The following BAZ2B variants were observed in gnomAD, a reference collection of about 807,000 sequenced individuals.
BAZ2B encodes the protein bromodomain adjacent to zinc finger domain protein 2B.
In BAZ2B, 91 loss-of-function variants were observed where a neutral mutation model predicts 246.0. That is an observed-to-expected ratio of 0.37 (90% CI 0.31 to 0.44). The LOEUF is 0.44. BAZ2B is among the 20% of genes least tolerant of loss of function. The pLI, the probability that BAZ2B is intolerant of heterozygous loss-of-function variation, is 1.00. For missense variants in BAZ2B, 2,332 were observed against 2,533.7 expected (o/e 0.92, Z 1.71); for synonymous variants, 855 against 860.0 (o/e 0.99, Z 0.10).
At chr2:159,325,136 T>TATATA (rs1553473512) in intron 35 of BAZ2B, among the ~76,000 whole-genome samples, 182 bp from the exon 36 acceptor site, 1 of 44,978 alleles carries the variant, frequency 2.2e-5, no homozygotes, top group African/African-American at 9.2e-5. Context: ...TATATATATA[T>TATATA]ATATATATAT....
intron 1 of BAZ2B, among the ~76,000 whole-genome samples, chr2:159,568,878 A>G (rs1013285781): frequency 6.6e-6 from 1 of 152,200 alleles, no homozygotes; most frequent in Admixed American, 6.5e-5. Context: ...TATCACCTGA[A>G]TATCTAAATT....
At chr2:159,627,005 A>G in the BAZ2B span, among the ~76,000 whole-genome samples, 1 of 152,224 alleles carries the variant, frequency 6.6e-6, no homozygotes, top group Non-Finnish European at 1.5e-5. Context: ...GATACCATAG[A>G]CATACAAACT....
At chr2:159,391,114 G>T (rs2063280173) in intron 20 of BAZ2B, among the ~76,000 whole-genome samples, 1 of 152,104 alleles carries the variant, frequency 6.6e-6, no homozygotes, top group Non-Finnish European at 1.5e-5. Flanking sequence ...ACTTTCCAAA[G>T]GAGGGAAGAT....
intron 36 of BAZ2B, among the ~76,000 whole-genome samples, 160 bp downstream of exon 36, chr2:159,324,650 AC>A (rs1347654803): frequency 5.0e-5 from 2 of 40,130 alleles, no homozygotes; most frequent in Admixed American, 7.4e-4. Flanking sequence ...ACACACACAC[AC>A]ACACACACAC....
chr2:159,597,278 G>A (rs909780536), intron 1 of BAZ2B, among the ~76,000 whole-genome samples: 4 of 152,018 alleles, frequency 2.6e-5, no homozygotes, highest in Non-Finnish European at 5.9e-5. Context: ...TAAAATGTTC[G>A]AAACATTTTA....
At chr2:159,583,415 A>T (rs772759091) in intron 1 of BAZ2B, among the ~76,000 whole-genome samples, 1 of 152,208 alleles carries the variant, frequency 6.6e-6, no homozygotes, top group Non-Finnish European at 1.5e-5. Context: ...ACATCCAGCT[A>T]TGAAATATAT....
intron 1 of BAZ2B, among the ~76,000 whole-genome samples, chr2:159,580,484 T>A (rs574965675): frequency 6.6e-6 from 1 of 152,216 alleles, no homozygotes; most frequent in Admixed American, 6.5e-5. Context: ...AAAATGGCCA[T>A]ACTGCCCAAG....
upstream of BAZ2B, among the ~76,000 whole-genome samples, chr2:159,620,511 A>G (rs560601939): frequency 2.0e-5 from 3 of 152,340 alleles, no homozygotes; most frequent in Admixed American, 6.5e-5. Flanking sequence ...GTGAGAATAA[A>G]GAGGATGAGG....
At chr2:159,531,414 C>T (rs1179375970) in intron 2 of BAZ2B, among the ~76,000 whole-genome samples, 5 of 152,082 alleles carry the variant, frequency 3.3e-5, no homozygotes, top group Non-Finnish European at 7.4e-5. Flanking sequence ...ACTAGAAATG[C>T]ACATTCTCTT....
the BAZ2B span, among the ~76,000 whole-genome samples, chr2:159,625,397 GA>G: frequency 6.6e-6 from 1 of 152,138 alleles, no homozygotes; most frequent in African/African-American, 2.4e-5. Context: ...AGGTTGAAAT[GA>G]AGGAAAAAAT....
intron 33 of BAZ2B, 140 bp downstream of exon 33, chr2:159,336,802 T>A: frequency 5.6e-6 from 4 of 717,690 alleles, no homozygotes; most frequent in Non-Finnish European, 8.2e-6. Context: ...GTATCAAAAA[T>A]CTTTTAGAAT....
the BAZ2B span, among the ~76,000 whole-genome samples, chr2:159,707,793 C>T: frequency 0.38 from 57,739 of 151,750 alleles, 13,173 homozygotes; most frequent in Middle Eastern, 0.6. Context: ...CACTATTGCA[C>T]TCCAGCCTGG....
intron 27 of BAZ2B, among the ~76,000 whole-genome samples, chr2:159,352,589 G>C (rs1022027096): frequency 6.6e-6 from 1 of 151,676 alleles, no homozygotes; most frequent in African/African-American, 2.4e-5. Context: ...AAGCTCAAGT[G>C]ATTCTCCCAA....
At chr2:159,485,104 A>T (rs2079670781) in intron 2 of BAZ2B, among the ~76,000 whole-genome samples, 1 of 152,208 alleles carries the variant, frequency 6.6e-6, no homozygotes, top group Non-Finnish European at 1.5e-5. Context: ...AACCACTAAG[A>T]GTAGAGTTTT....
intron 1 of BAZ2B, among the ~76,000 whole-genome samples, chr2:159,590,231 A>C (rs1374318455): frequency 2.0e-5 from 2 of 97,996 alleles, no homozygotes; most frequent in East Asian, 2.9e-4. Context: ...AAAAAAAAAA[A>C]CAACCCAGCA....
chr2:159,391,192 C>G (rs1380367480), intron 20 of BAZ2B, among the ~76,000 whole-genome samples: 1 of 152,134 alleles, frequency 6.6e-6, no homozygotes, highest in Non-Finnish European at 1.5e-5. Flanking sequence ...TATTAAATAT[C>G]TCTTACTGAT....
chr2:159,689,622 C>A, the BAZ2B span: 1 of 253,464 alleles, frequency 3.9e-6, no homozygotes, highest in Non-Finnish European at 7.5e-6. Flanking sequence ...TATCCGCCCA[C>A]CTCAGCCCCA....
intron 1 of BAZ2B, among the ~76,000 whole-genome samples, chr2:159,591,652 T>A (rs919378608): frequency 2.0e-5 from 3 of 152,164 alleles, no homozygotes; most frequent in African/African-American, 7.2e-5. Flanking sequence ...CATGAAAACA[T>A]ATTTAACTTT....
chr2:159,595,048 G>A (rs371434124), intron 1 of BAZ2B, among the ~76,000 whole-genome samples: 7 of 152,018 alleles, frequency 4.6e-5, no homozygotes, highest in South Asian at 4.2e-4. Context: ...TATTCAATGC[G>A]TAATAACTTC....
Sources: allele counts gnomAD v4.1 joint callset (sites outside exome capture counted in the v4.1 genomes callset), GRCh38; gene constraint gnomAD v4.1.1; transcripts MANE v1.5; gene names NCBI Gene and HGNC (gene_info 2026-07-23, HGNC 2026-07-21).